The following CASTOR2 variants were observed in gnomAD, a reference collection of about 807,000 sequenced individuals.
The protein encoded by CASTOR2 is GATS protein like 2.
Under a neutral mutation model 31.2 loss-of-function variants are expected in CASTOR2, and 8 were observed. The ratio of observed to expected loss-of-function variants is 0.26; its 90% CI spans 0.15 to 0.46. The LOEUF (loss-of-function observed/expected upper bound fraction) is 0.46, where lower values mean the gene tolerates loss of function less well. Ranked by LOEUF, CASTOR2 falls within the 20% of genes least tolerant of loss-of-function variation. CASTOR2 has a pLI of 0.99. For synonymous variants in CASTOR2, 162 were observed against 158.7 expected (o/e 1.02, Z -0.16); for missense variants, 216 against 382.1 (o/e 0.57, Z 3.62).
rs1262876103 is a variant in CASTOR2 at position 75,024,828 on chromosome 7, A to G, written c.*129A>G. The G allele has an allele frequency of 6.5e-7, 1 of 1,545,570 alleles. No individual in the cohort carries two copies. Among genetic ancestry groups the G allele is most frequent in the Non-Finnish European group, 8.7e-7 (1 of 1,145,010 alleles). ...CCTGAGGAAGGGGCCTCTGTGGGAG[A>G]CTCCCTCGATTGCCAATCCCTCCAG... On this transcript the variant is annotated 3_prime_UTR_variant, in exon 9 of 9. Transcript: ENST00000616305.
Position 75,027,950 on chromosome 7 carries a change from AG to A in CASTOR2, c.*3255del. 1 of 1,418,228 alleles carries A rather than the reference AG, an allele frequency of 7.1e-7. No individual in the cohort carries two copies. The allele number at this position is 1,418,228 out of a possible 1,614,324, so 87.9% of individuals were successfully genotyped here. ...TCTCCAGGCCCCAGACCCCACTTGG[AG>A]GGGCATGTGTTTCTCAGAGGGGCTC... On this transcript the variant is annotated 3_prime_UTR_variant, in exon 9 of 9. Coordinates refer to ENST00000616305, the MANE Select transcript of CASTOR2 (RefSeq NM_001145064.3).
Position 75,021,945 on chromosome 7 carries a change from C to T in CASTOR2, c.818C>T (p.Pro273Leu). 1 of 1,551,654 alleles carries T rather than the reference C, an allele frequency of 6.4e-7. No individual in the cohort carries two copies. Among genetic ancestry groups the T allele is most frequent in the Non-Finnish European group, 8.7e-7 (1 of 1,146,892 alleles). The change falls in exon 7 of 9, where the codon CCC becomes CTC. Residue 273 changes from proline (P) to leucine (L), a missense_variant. This residue lies in a region of CASTOR2 where 22 missense variants were observed against 66.4 expected (regional missense o/e 0.33). Transcript: ENST00000616305. Reference sequence around the variant, plus strand: ...AAGATGGTCCGGATTGGAGGACAGCCCCTGGGGTTTGGTGAGTCCTGGGGG... The same window carrying T: ...AAGATGGTCCGGATTGGAGGACAGCTCCTGGGGTTTGGTGAGTCCTGGGGG... Reference protein sequence around the residue: ...LWKMVRIGGQPLGFDECGIVA... With the variant: ...LWKMVRIGGQLLGFDECGIVA...
At chr7:74,972,430 C>T (rs1196251542) in intron 1 of CASTOR2, among the ~76,000 whole-genome samples, 7 of 151,212 alleles carry the variant, frequency 4.6e-5, no homozygotes, top group East Asian at 3.9e-4. Flanking sequence ...CAAGCAGCAC[C>T]CTCCTTTTTG....
intron 1 of CASTOR2, among the ~76,000 whole-genome samples, chr7:74,991,089 G>A (rs1344304926): frequency 2.4e-5 from 3 of 123,170 alleles, no homozygotes; most frequent in East Asian, 5.5e-4. Flanking sequence ...AAAAAAAAAA[G>A]GAAAAGAAAA....
intron 1 of CASTOR2, among the ~76,000 whole-genome samples, chr7:74,977,288 A>G (rs587698483): frequency 0.011 from 1,643 of 147,400 alleles, 37 homozygotes; most frequent in African/African-American, 0.027. Context: ...TGCAGTATGA[A>G]AAACCAGCCC....
At chr7:74,985,989 A>T (rs1303702103) in intron 1 of CASTOR2, among the ~76,000 whole-genome samples, 1 of 151,908 alleles carries the variant, frequency 6.6e-6, no homozygotes. Flanking sequence ...GGGCAGTGGC[A>T]TTATCTCGGC....
At chr7:74,971,013 T>G (rs1803666159) in intron 1 of CASTOR2, among the ~76,000 whole-genome samples, 1 of 150,742 alleles carries the variant, frequency 6.6e-6, no homozygotes, top group Non-Finnish European at 1.5e-5. Flanking sequence ...TTTGTTTGTT[T>G]GAGATGGAGT....
intron 1 of CASTOR2, among the ~76,000 whole-genome samples, chr7:74,986,566 T>C (rs1554436773): frequency 3.8e-4 from 57 of 151,438 alleles, no homozygotes; most frequent in Non-Finnish European, 7.7e-4. Context: ...GGTTCCCATA[T>C]CTAGAGCCCC....
chr7:74,988,016 T>C (rs1226805054), intron 1 of CASTOR2, among the ~76,000 whole-genome samples: 4 of 151,898 alleles, frequency 2.6e-5, no homozygotes, highest in Non-Finnish European at 5.9e-5. Flanking sequence ...CCTTTTTTTT[T>C]TTTTAATAAT....
chr7:75,013,994 A>G (rs1398605710), intron 2 of CASTOR2, among the ~76,000 whole-genome samples: 3 of 151,904 alleles, frequency 2.0e-5, no homozygotes, highest in Non-Finnish European at 4.4e-5. Context: ...CTCCCAAAGC[A>G]CTGGGATTAC....
At position 75,026,364 on chromosome 7, in the gene CASTOR2, A is replaced by G. The variant is rs2131961241; in HGVS notation, c.*1665A>G. 6.6e-6 allele frequency among the ~76,000 whole-genome samples: 1 copy of G among 151,222 alleles called. No homozygotes were observed. Among genetic ancestry groups the G allele is most frequent in the East Asian group, 1.9e-4 (1 of 5,130 alleles). ...ACCACCACGTCTGGCTAGTTATTGTATTTTTTAATAGAGACGGGATTTCGT... is the reference window on the plus strand; with the variant it reads ...ACCACCACGTCTGGCTAGTTATTGTGTTTTTTAATAGAGACGGGATTTCGT... On this transcript the variant is annotated 3_prime_UTR_variant, in exon 9 of 9. Transcript: ENST00000616305.
intron 1 of CASTOR2, among the ~76,000 whole-genome samples, chr7:74,998,705 A>G (rs1438615203): frequency 1.8e-3 from 281 of 151,954 alleles, no homozygotes; most frequent in African/African-American, 6.0e-3. Flanking sequence ...GGTGAAAGGA[A>G]GTTGGGCTGG....
intron 7 of CASTOR2, among the ~76,000 whole-genome samples, chr7:75,023,906 C>G (rs1805065833): frequency 6.6e-6 from 1 of 152,180 alleles, no homozygotes; most frequent in Non-Finnish European, 1.5e-5. Flanking sequence ...AGGATTTGGG[C>G]AGGAACACAA....
intron 1 of CASTOR2, among the ~76,000 whole-genome samples, chr7:74,992,646 G>C (rs1229698600): frequency 4.6e-5 from 7 of 152,100 alleles, no homozygotes; most frequent in African/African-American, 1.7e-4. Context: ...CACCACATTG[G>C]CCAGGCTAGT....
rs1229427970 is a variant in CASTOR2 at position 75,024,661 on chromosome 7, A to G, written c.952A>G (p.Ile318Val). The G allele has an allele frequency of 3.9e-6, 6 of 1,551,608 alleles. No homozygotes were observed. The highest frequency in any genetic ancestry group is 3.6e-5 in the South Asian group (3 of 84,060). ...CCCCGAAGAGAACATCAATGGTGTCATCAGTGCCCTGAAGGTCAGCCAAGC... is the reference window on the plus strand; with the variant it reads ...CCCCGAAGAGAACATCAATGGTGTCGTCAGTGCCCTGAAGGTCAGCCAAGC... ...LVPEENINGV[I>V]SALKVSQAEK... Residue 318 changes from isoleucine (I) to valine (V), a missense_variant, in exon 9 of 9, where the codon ATC becomes GTC. Physicochemically the swap from Ile to Val is conservative, Grantham distance 29. Coordinates refer to ENST00000616305, the MANE Select transcript of CASTOR2 (RefSeq NM_001145064.3).
rs1268147433 is a variant in CASTOR2 at position 75,030,436 on chromosome 7, G to C, written c.*5737G>C. ...CCAGGGGAGAGGGTGGGGCGTCTCT[G>C]GTAGGACGGCCTCACCCCACTTGTC... On this transcript the variant is annotated 3_prime_UTR_variant, in exon 9 of 9. Transcript: ENST00000616305. Among the ~76,000 whole-genome samples the C allele has an allele frequency of 7.9e-5, 12 of 152,146 alleles. No individual in the cohort carries two copies. The highest frequency in any genetic ancestry group is 1.9e-4 in the East Asian group (1 of 5,196).
chr7:75,009,646 T>C (rs1554439171), intron 2 of CASTOR2, among the ~76,000 whole-genome samples: 1 of 151,482 alleles, frequency 6.6e-6, no homozygotes, highest in Admixed American at 6.6e-5. Flanking sequence ...AAAACATTAA[T>C]GGAGGGGCAC....
At chr7:75,014,301 A>G (rs1442129187) in intron 2 of CASTOR2, among the ~76,000 whole-genome samples, 1 of 150,726 alleles carries the variant, frequency 6.6e-6, no homozygotes, top group Non-Finnish European at 1.5e-5. Context: ...TGGCCGGGCA[A>G]GGTGGCTGAC....
At chr7:75,003,778 G>C (rs1804549264) in intron 1 of CASTOR2, among the ~76,000 whole-genome samples, 1 of 151,788 alleles carries the variant, frequency 6.6e-6, no homozygotes, top group African/African-American at 2.4e-5. Flanking sequence ...ACAACAACAA[G>C]GAGGTCAAGG....
Sources: allele counts gnomAD v4.1 joint callset (sites outside exome capture counted in the v4.1 genomes callset), GRCh38; gene constraint gnomAD v4.1.1; regional missense constraint gnomAD v4.1.1; transcripts MANE v1.5; gene names NCBI Gene and HGNC (gene_info 2026-07-23, HGNC 2026-07-21).